The following SASH1 variants were observed in gnomAD, a reference collection of about 807,000 sequenced individuals.
The protein encoded by SASH1 is SAM and SH3 domain-containing protein 1.
SASH1 carries 44 observed loss-of-function variants against 125.2 expected under a neutral mutation model. That is an observed-to-expected ratio of 0.35 (90% CI 0.28 to 0.45). SASH1 has a LOEUF of 0.45. Among genes scored for constraint, SASH1 ranks in the 20% least tolerant of loss-of-function variants. SASH1 has a pLI of 1.00. For missense variants in SASH1, 1,426 were observed against 1,614.5 expected, an observed-to-expected ratio of 0.88 and a Z score of 2.00; for synonymous variants, 639 against 649.1, an observed-to-expected ratio of 0.98 and a Z score of 0.24.
intron 6 of SASH1, among the ~76,000 whole-genome samples, chr6:148,473,545 T>C (rs1010699060): frequency 6.6e-6 from 1 of 152,228 alleles, no homozygotes; most frequent in Non-Finnish European, 1.5e-5. Context: ...TGAGCCACTG[T>C]GCCCGGTGCA....
At chr6:148,474,746 AT>A (rs1472183781) in intron 7 of SASH1, among the ~76,000 whole-genome samples, 2 of 151,930 alleles carry the variant, frequency 1.3e-5, no homozygotes, top group South Asian at 2.1e-4. Context: ...TAGTTTTTAA[AT>A]TTTTTACAGA....
chr6:148,537,687 C>G (rs1781931056), intron 16 of SASH1, among the ~76,000 whole-genome samples: 1 of 152,048 alleles, frequency 6.6e-6, no homozygotes, highest in Non-Finnish European at 1.5e-5. Flanking sequence ...CTCTTCTTTC[C>G]CAAGGTAACT....
Position 148,445,745 on chromosome 6 carries a change from C to T in SASH1, c.386+5338C>T, listed in dbSNP as rs150743916. Among the ~76,000 whole-genome samples, 4 of 152,266 alleles carry T rather than the reference C, an allele frequency of 2.6e-5. No individual in the cohort carries two copies. In the East Asian group the frequency reaches 7.7e-4, roughly 29 times the overall value. ...GAAGGCAGTAGGTCCCAAGGCTAAA[C>T]CTTGTGCTTTGCAGAGCTTTCCTAG... On this transcript the variant is annotated intron_variant, in intron 4 of 19. Transcript: ENST00000367467.
intron 1 of SASH1, among the ~76,000 whole-genome samples, chr6:148,335,809 G>C (rs1383963725): frequency 6.6e-6 from 1 of 152,042 alleles, no homozygotes; most frequent in Non-Finnish European, 1.5e-5. Context: ...CCCCACCCGA[G>C]GTAAACTCCC....
the SASH1 span, among the ~76,000 whole-genome samples, chr6:148,220,736 G>A: frequency 6.6e-6 from 1 of 152,062 alleles, no homozygotes; most frequent in African/African-American, 2.4e-5. Flanking sequence ...CCAACATGGT[G>A]AAACCCCGTC....
chr6:148,355,663 A>G (rs1781901642), intron 1 of SASH1, among the ~76,000 whole-genome samples: 2 of 152,248 alleles, frequency 1.3e-5, no homozygotes, highest in Admixed American at 6.5e-5. Flanking sequence ...CTATAGTGGA[A>G]GAGCTTCCAT....
At chr6:148,300,321 C>T (rs1378652959) in intron 1 of SASH1, among the ~76,000 whole-genome samples, 1 of 152,088 alleles carries the variant, frequency 6.6e-6, no homozygotes, top group Non-Finnish European at 1.5e-5. Flanking sequence ...CTGTGCCCAT[C>T]GGATGCTCTT....
At chr6:148,535,154 C>T (rs1781765733) in intron 16 of SASH1, among the ~76,000 whole-genome samples, 1 of 152,206 alleles carries the variant, frequency 6.6e-6, no homozygotes, top group Non-Finnish European at 1.5e-5. Flanking sequence ...TTTCCCATGC[C>T]AAGGTCAAAC....
rs1284503244 is a variant in SASH1 at position 148,282,626 on chromosome 6, C to T, written n.74+10249C>T. Among the ~76,000 whole-genome samples the T allele has an allele frequency of 2.6e-5, 4 of 152,052 alleles. No homozygotes were observed. In the South Asian group the frequency reaches 6.2e-4, roughly 24 times the overall value. On this transcript the variant is annotated intron_variant and non_coding_transcript_variant, in intron 1 of 3. Coordinates refer to the SASH1 transcript ENST00000367469. Reference sequence around the variant, plus strand: ...TGAACTCCTGACCTTGTGATCCCCCCGCCTCAGCCTCCCAAAGTCCTGGGG... The same window carrying T: ...TGAACTCCTGACCTTGTGATCCCCCTGCCTCAGCCTCCCAAAGTCCTGGGG...
chr6:148,205,623 C>T, the SASH1 span, among the ~76,000 whole-genome samples: 4 of 152,146 alleles, frequency 2.6e-5, no homozygotes, highest in Admixed American at 6.5e-5. Context: ...CCTTGCCTTT[C>T]CCTAGTCCCC....
chr6:148,287,696 G>GTGT (rs1238237860), intron 1 of SASH1, among the ~76,000 whole-genome samples: 28 of 150,862 alleles, frequency 1.9e-4, no homozygotes, highest in Admixed American at 1.1e-3. Flanking sequence ...CGTGTGTGTG[G>GTGT]GGGGGTGGGG....
the SASH1 span, among the ~76,000 whole-genome samples, chr6:148,257,628 CT>C: frequency 0.019 from 2,442 of 127,116 alleles, 19 homozygotes; most frequent in African/African-American, 0.063. Context: ...TGTCAGTTTA[CT>C]TTTTTTTTTT....
At chr6:148,432,708 G>T (rs1776116390) in intron 2 of SASH1, among the ~76,000 whole-genome samples, 1 of 152,208 alleles carries the variant, frequency 6.6e-6, no homozygotes, top group African/African-American at 2.4e-5. Context: ...CAGCTGTGAA[G>T]TTCATTTGGC....
the SASH1 span, among the ~76,000 whole-genome samples, chr6:148,195,373 C>G: frequency 6.6e-6 from 1 of 152,166 alleles, no homozygotes; most frequent in Non-Finnish European, 1.5e-5. Context: ...TGGGCAGAGG[C>G]CGATGCTCAG....
Position 148,546,136 on chromosome 6 carries a change from A to G in SASH1, c.3470A>G (p.His1157Arg), listed in dbSNP as rs766906032. The G allele has an allele frequency of 5.0e-6, 8 of 1,614,096 alleles. No individual in the cohort carries two copies. Among genetic ancestry groups the G allele is most frequent in the African/African-American group, 1.3e-5 (1 of 75,062 alleles). Residue 1157 changes from histidine to arginine, a missense_variant, in exon 19 of 20, where the codon CAC becomes CGC. Physicochemically the swap from His to Arg is conservative, Grantham distance 29. Transcript: ENST00000367467. ...QIRVKQLRKQHRMAIPSGGLT... is the reference protein window; with the variant it reads ...QIRVKQLRKQRRMAIPSGGLT... ...CGGGTGAAGCAGCTTCGGAAGCAGC[A>G]CCGCATGGCGGTGAGCAGCCCACAG... is the stretch of plus-strand genomic sequence containing the variant.
In SASH1 at chr6:148,440,245, T is replaced by C. The variant is rs1776487648; in HGVS notation, c.336+11T>C. The C allele has an allele frequency of 6.2e-7, 1 of 1,613,902 alleles. No homozygotes were observed. Among genetic ancestry groups the C allele is most frequent in the African/African-American group, 1.3e-5 (1 of 74,892 alleles). The stretch of plus-strand genomic sequence containing the variant: ...CGGTCCCAGATCGAAGTAAGCACAA[T>C]GACTTTAATCATCTAGTTTTGCTTC... On this transcript the variant is annotated intron_variant, in intron 3 of 19. Coordinates refer to ENST00000367467, the MANE Select transcript of SASH1 (RefSeq NM_015278.5).
chr6:148,526,864 T>C (rs1475352612), intron 11 of SASH1, among the ~76,000 whole-genome samples: 1 of 138,284 alleles, frequency 7.2e-6, no homozygotes, highest in African/African-American at 2.7e-5. Context: ...TTCATGTAAA[T>C]CACTTTTTTT....
At chr6:148,471,616 C>T in intron 6 of SASH1, 113 bp downstream of exon 6, 1 of 666,636 alleles carries the variant, frequency 1.5e-6, no homozygotes, top group Non-Finnish European at 2.7e-6. Flanking sequence ...CGCATGTGCC[C>T]ATAAGATGTT....
chr6:148,393,756 G>C (rs949817770), intron 2 of SASH1: 3 of 984,304 alleles, frequency 3.0e-6, no homozygotes, highest in Admixed American at 6.2e-5. Context: ...TCCCATCAAA[G>C]GTGCAAGAAT....
Sources: allele counts gnomAD v4.1 joint callset (sites outside exome capture counted in the v4.1 genomes callset), GRCh38; gene constraint gnomAD v4.1.1; transcripts MANE v1.5; gene names NCBI Gene and HGNC (gene_info 2026-07-23, HGNC 2026-07-21).